PTPRA: variants seen among roughly 807,000 people sequenced by gnomAD.
The protein encoded by PTPRA is receptor-type tyrosine-protein phosphatase alpha.
A neutral mutation model predicts 104.8 loss-of-function variants in PTPRA; 25 were observed. That is an observed-to-expected ratio of 0.24 (90% CI 0.17 to 0.33). The LOEUF (loss-of-function observed/expected upper bound fraction) is 0.33. PTPRA is among the 10% of genes least tolerant of loss of function. The probability of loss-of-function intolerance (pLI) is 1.00; values close to 1 mark genes in which losing one functional copy is unlikely to be tolerated. For synonymous variants in PTPRA, 323 were observed against 368.9 expected (o/e 0.88, Z 1.43); for missense variants, 765 against 1,015.3 (o/e 0.75, Z 3.35).
Position 2,924,339 on chromosome 20 carries a change from T to C in PTPRA, c.-50+1054T>C, listed in dbSNP as rs1254161353. 4.6e-5 allele frequency among the ~76,000 whole-genome samples: 7 copies of C among 152,254 alleles called. No individual in the cohort carries two copies. The South Asian group carries it at 1.0e-3, about 23-fold the overall frequency. ...ATGGCTTGAAGCCAGGAGGCAGAAG[T>C]TGCAGTGAGGTGAGATCACGCCCCT... On this transcript the variant is annotated intron_variant, in intron 2 of 23. Coordinates refer to ENST00000399903, the MANE Select transcript of PTPRA (RefSeq NM_001385305.1).
At chr20:2,924,461 T>C (rs2060220697) in intron 2 of PTPRA, among the ~76,000 whole-genome samples, 1 of 151,954 alleles carries the variant, frequency 6.6e-6, no homozygotes, top group Non-Finnish European at 1.5e-5. Flanking sequence ...TATTCAGTAA[T>C]AGAAAGGAAC....
At chr20:2,899,535 G>T (rs2059147411) in intron 1 of PTPRA, among the ~76,000 whole-genome samples, 1 of 152,118 alleles carries the variant, frequency 6.6e-6, no homozygotes, top group Non-Finnish European at 1.5e-5. Context: ...GAGATTTGTG[G>T]TTGGACGGTT....
chr20:2,897,284 A>G (rs2147057923), intron 1 of PTPRA, among the ~76,000 whole-genome samples: 1 of 152,028 alleles, frequency 6.6e-6, no homozygotes, highest in East Asian at 1.9e-4. Context: ...TAGTTTTACC[A>G]TCCATTGGTG....
At chr20:2,993,123 G>A (rs2063257667) in intron 9 of PTPRA, among the ~76,000 whole-genome samples, 1 of 152,178 alleles carries the variant, frequency 6.6e-6, no homozygotes, top group Non-Finnish European at 1.5e-5. Flanking sequence ...TGATCAGATG[G>A]ATTAGATGGA....
At chr20:3,021,472 C>T (rs1240505599) in intron 14 of PTPRA, 44 bp downstream of exon 14, 1 of 1,609,920 alleles carries the variant, frequency 6.2e-7, no homozygotes, top group Non-Finnish European at 8.5e-7. Context: ...GTTGGATCTG[C>T]TGACCAGTAA....
intron 1 of PTPRA, among the ~76,000 whole-genome samples, chr20:2,918,451 C>T (rs13040848): frequency 0.21 from 32,255 of 152,104 alleles, 3,881 homozygotes; most frequent in East Asian, 0.36. Context: ...CAGTGGTTGC[C>T]GTAGTAAGCA....
At chr20:2,977,555 G>A (rs745353555) in intron 6 of PTPRA, among the ~76,000 whole-genome samples, 5 of 151,416 alleles carry the variant, frequency 3.3e-5, no homozygotes, top group Non-Finnish European at 5.9e-5. Context: ...TGAGGTGGGA[G>A]GATCACCTGA....
chr20:2,870,744 C>A (rs2089418268), upstream of PTPRA, among the ~76,000 whole-genome samples: 1 of 152,198 alleles, frequency 6.6e-6, no homozygotes, highest in African/African-American at 2.4e-5. Context: ...TGATCCTCTC[C>A]TTTGCTCATA....
At chr20:2,922,515 T>C (rs1481534200) in intron 1 of PTPRA, among the ~76,000 whole-genome samples, 1 of 152,076 alleles carries the variant, frequency 6.6e-6, no homozygotes, top group African/African-American at 2.4e-5. Flanking sequence ...AATTTTTGTA[T>C]TTTTGGTAGA....
chr20:2,999,423 A>G (rs1362730667), intron 9 of PTPRA, among the ~76,000 whole-genome samples: 1 of 152,364 alleles, frequency 6.6e-6, no homozygotes, highest in East Asian at 1.9e-4. Flanking sequence ...GAAGAAGAAC[A>G]AGGTGAGGAG....
intron 5 of PTPRA, among the ~76,000 whole-genome samples, chr20:2,967,807 G>C (rs2062001829): frequency 6.6e-6 from 1 of 152,194 alleles, no homozygotes; most frequent in African/African-American, 2.4e-5. Context: ...GCTGCAGTGA[G>C]CTGTGTTCAT....
intron 1 of PTPRA, among the ~76,000 whole-genome samples, chr20:2,895,419 C>T (rs760402478): frequency 1.3e-5 from 2 of 152,034 alleles, no homozygotes; most frequent in African/African-American, 2.4e-5. Flanking sequence ...TGAAATATCA[C>T]GTAATTGCTG....
At chr20:3,027,271 C>T in intron 19 of PTPRA, 74 bp downstream of exon 19, 1 of 1,411,220 alleles carries the variant, frequency 7.1e-7, no homozygotes, top group Non-Finnish European at 1.0e-6. Flanking sequence ...TGCCTCCCTC[C>T]CATACCTGCT....
intron 16 of PTPRA, among the ~76,000 whole-genome samples, 166 bp from the exon 17 acceptor site, chr20:3,024,306 A>G (rs1190644445): frequency 6.6e-6 from 1 of 152,158 alleles, no homozygotes; most frequent in Non-Finnish European, 1.5e-5. Flanking sequence ...GGACTCCTGC[A>G]TTTCAAGTCC....
chr20:2,892,885 T>C (rs2058855400), intron 1 of PTPRA, among the ~76,000 whole-genome samples: 1 of 152,194 alleles, frequency 6.6e-6, no homozygotes, highest in Admixed American at 6.5e-5. Context: ...ATTTTCTGCT[T>C]TAGATAGGCC....
chr20:2,944,096 A>C (rs2061035711), intron 2 of PTPRA, among the ~76,000 whole-genome samples: 1 of 145,620 alleles, frequency 6.9e-6, no homozygotes. Context: ...GCTGGAGTGC[A>C]GTGGCATGAT....
intron 5 of PTPRA, among the ~76,000 whole-genome samples, chr20:2,969,324 T>G (rs2062069347): frequency 6.6e-6 from 1 of 151,562 alleles, no homozygotes; most frequent in Non-Finnish European, 1.5e-5. Context: ...CTCGGCATAC[T>G]GCAAACTCTG....
chr20:2,869,931 C>T (rs930942626), upstream of PTPRA, among the ~76,000 whole-genome samples: 8 of 151,282 alleles, frequency 5.3e-5, no homozygotes, highest in African/African-American at 1.7e-4. Context: ...GCTGAAATGG[C>T]GCCATTGCAC....
At chr20:2,977,291 C>CAA (rs60609555) in intron 6 of PTPRA, among the ~76,000 whole-genome samples, 3 of 119,870 alleles carry the variant, frequency 2.5e-5, no homozygotes, top group Non-Finnish European at 1.8e-5. Context: ...GACTCTGTCT[C>CAA]AAAAAAAAAA....
Sources: allele counts gnomAD v4.1 joint callset (sites outside exome capture counted in the v4.1 genomes callset), GRCh38; gene constraint gnomAD v4.1.1; transcripts MANE v1.5; gene names NCBI Gene and HGNC (gene_info 2026-07-23, HGNC 2026-07-21).